ADAMTSL1: variants seen among roughly 807,000 people sequenced by gnomAD.
ADAMTSL1 encodes the protein ADAMTS like 1.
A neutral mutation model predicts 201.8 loss-of-function variants in ADAMTSL1; 126 were observed. The observed-to-expected ratio is 0.62, with a 90% CI of 0.54 to 0.72. ADAMTSL1 has a LOEUF of 0.72. ADAMTSL1 is among the 30% of genes least tolerant of loss of function. The pLI, the probability that ADAMTSL1 is intolerant of heterozygous loss-of-function variation, is 0.00. For synonymous variants in ADAMTSL1, 1,121 were observed against 903.4 expected (o/e 1.24, Z -4.32); for missense variants, 2,679 against 2,277.8 (o/e 1.18, Z -3.59).
chr9:18,724,416 G>A (rs1389250885), intron 15 of ADAMTSL1, among the ~76,000 whole-genome samples: 3 of 152,216 alleles, frequency 2.0e-5, no homozygotes, highest in African/African-American at 7.2e-5. Flanking sequence ...AGAAGCACAT[G>A]TCTAACTTTC....
chr9:17,917,681 G>A (rs1362017029), intron 1 of ADAMTSL1, among the ~76,000 whole-genome samples: 1 of 151,942 alleles, frequency 6.6e-6, no homozygotes, highest in Non-Finnish European at 1.5e-5. Context: ...TTTGGTATTA[G>A]AGCAATGCCG....
chr9:18,509,092 G>A lies in ADAMTSL1; in HGVS notation c.191+4136G>A, dbSNP rs557686380. ...CCAGCTACTCGGGAGGCTGAGGCAGGAGAATGGCGTGAACCCGGGAGGCGG... is the reference window on the plus strand; with the variant it reads ...CCAGCTACTCGGGAGGCTGAGGCAGAAGAATGGCGTGAACCCGGGAGGCGG... On this transcript the variant is annotated intron_variant, in intron 2 of 28. Transcript: ENST00000380548. Among the ~76,000 whole-genome samples, 18 of 128,512 alleles carry A rather than the reference G, an allele frequency of 1.4e-4. 1 individual carries two copies. In the South Asian group the frequency reaches 3.3e-3, roughly 24 times the overall value. The allele number at this position is 128,512 out of a possible 152,430, so 84.3% of individuals were successfully genotyped here.
At chr9:17,949,042 A>G (rs2772692) in intron 1 of ADAMTSL1, among the ~76,000 whole-genome samples, 144,570 of 152,250 alleles carry the variant, frequency 0.95, 68,897 homozygotes, top group East Asian at 1. Flanking sequence ...AGAGGGATAT[A>G]GTGGCCATTC....
intron 2 of ADAMTSL1, among the ~76,000 whole-genome samples, chr9:18,404,388 C>G (rs1004341396): frequency 3.9e-5 from 6 of 152,128 alleles, no homozygotes. Context: ...TCTAAAAAGC[C>G]TCATTCTCCC....
At chr9:18,567,606 C>T (rs1822003311) in intron 3 of ADAMTSL1, among the ~76,000 whole-genome samples, 1 of 152,078 alleles carries the variant, frequency 6.6e-6, no homozygotes, top group Admixed American at 6.6e-5. Flanking sequence ...CTTAGATGTC[C>T]AGATGGCAAG....
intron 15 of ADAMTSL1, among the ~76,000 whole-genome samples, chr9:18,725,379 A>G (rs1817815368): frequency 6.6e-6 from 1 of 152,242 alleles, no homozygotes; most frequent in East Asian, 1.9e-4. Context: ...TATGGAAGAC[A>G]GATGTTAATC....
chr9:18,179,550 G>C (rs1295794111), intron 2 of ADAMTSL1, among the ~76,000 whole-genome samples: 4 of 152,094 alleles, frequency 2.6e-5, no homozygotes, highest in Non-Finnish European at 4.4e-5. Flanking sequence ...TCCTCGAGAA[G>C]AGCAACTCCC....
rs960221878 is a variant in ADAMTSL1, at chr9:17,930,945, C to T, written c.87+24023C>T. On this transcript the variant is annotated intron_variant, in intron 1 of 29. Coordinates refer to the ADAMTSL1 transcript ENST00000680146. Reference sequence around the variant, plus strand: ...GGTGGGGTTCTGGTTGGACTGCTGGCGGCATTGTCCTTAATAAAATGGGGC... The same window carrying T: ...GGTGGGGTTCTGGTTGGACTGCTGGTGGCATTGTCCTTAATAAAATGGGGC... Among the ~76,000 whole-genome samples, 4 of 152,126 alleles carry T rather than the reference C, an allele frequency of 2.6e-5. No individual in the cohort carries two copies. In the East Asian group the frequency reaches 5.8e-4, roughly 22 times the overall value.
At chr9:17,940,805 C>CCCCG (rs1554667536) in intron 1 of ADAMTSL1, among the ~76,000 whole-genome samples, 2 of 56,592 alleles carry the variant, frequency 3.5e-5, no homozygotes, top group Non-Finnish European at 7.1e-5. Context: ...AAATAACACC[C>CCCCG]CCCCCCCAAA....
chr9:18,717,927 C>G, intron 14 of ADAMTSL1: 1 of 1,259,574 alleles, frequency 7.9e-7, no homozygotes, highest in Middle Eastern at 2.1e-4. Context: ...TTGAATTGGA[C>G]AACAGTTCTT....
At chr9:18,288,976 A>G (rs189671985) in intron 2 of ADAMTSL1, among the ~76,000 whole-genome samples, 49 of 152,366 alleles carry the variant, frequency 3.2e-4, no homozygotes, top group African/African-American at 1.2e-3. Context: ...TTACTTTCAA[A>G]GTAATTATAC....
chr9:18,677,227 C>T (rs963484451), intron 10 of ADAMTSL1, among the ~76,000 whole-genome samples: 18 of 151,670 alleles, frequency 1.2e-4, no homozygotes, highest in African/African-American at 2.2e-4. Flanking sequence ...TCTTTCACTA[C>T]GTGGCTATGT....
At chr9:17,916,609 C>T (rs752351360) in intron 1 of ADAMTSL1, among the ~76,000 whole-genome samples, 190 of 152,258 alleles carry the variant, frequency 1.2e-3, no homozygotes, top group Non-Finnish European at 2.1e-3. Context: ...CTTCAAAAAT[C>T]AGTTGTCCAC....
intron 4 of ADAMTSL1, among the ~76,000 whole-genome samples, chr9:18,579,533 A>C (rs1329408746): frequency 6.6e-6 from 1 of 152,238 alleles, no homozygotes; most frequent in African/African-American, 2.4e-5. Context: ...AGTGCTTACT[A>C]TGAGCTTGAT....
chr9:18,336,635 G>A (rs182857426), intron 2 of ADAMTSL1, among the ~76,000 whole-genome samples: 13 of 152,144 alleles, frequency 8.5e-5, no homozygotes, highest in Non-Finnish European at 1.8e-4. Flanking sequence ...TTATAGATGG[G>A]TGAAGTGGAA....
intron 4 of ADAMTSL1, among the ~76,000 whole-genome samples, chr9:18,606,796 C>A (rs572759713): frequency 1.3e-5 from 2 of 152,304 alleles, no homozygotes; most frequent in South Asian, 2.1e-4. Flanking sequence ...TGCCTCTTCT[C>A]GGCCTCAAGT....
chr9:18,778,902 C>A (rs1377807855), intron 19 of ADAMTSL1, among the ~76,000 whole-genome samples: 1 of 152,200 alleles, frequency 6.6e-6, no homozygotes, highest in Non-Finnish European at 1.5e-5. Context: ...CTAGATTCCT[C>A]ATTTTAACCT....
intron 4 of ADAMTSL1, among the ~76,000 whole-genome samples, chr9:18,582,877 TAAAATAAAATA>T (rs1823201907): frequency 6.7e-6 from 1 of 150,202 alleles, no homozygotes; most frequent in South Asian, 2.1e-4. Context: ...TAAAATAAAA[TAAAATAAAATA>T]AAAATAAAAT....
At chr9:18,659,695 AG>A (rs1828941803) in intron 8 of ADAMTSL1, among the ~76,000 whole-genome samples, 1 of 152,186 alleles carries the variant, frequency 6.6e-6, no homozygotes, top group African/African-American at 2.4e-5. Flanking sequence ...TGAAACCAGG[AG>A]GCAGAGGTTG....
Sources: gnomAD v4.1 joint callset for allele counts (sites outside exome capture counted in the v4.1 genomes callset) on GRCh38, gnomAD v4.1.1 for gene constraint, MANE v1.5 for transcripts, NCBI Gene and HGNC (gene_info 2026-07-23, HGNC 2026-07-21) for gene names.